The following CENPM variants were observed in gnomAD, a reference collection of about 807,000 sequenced individuals.
The protein encoded by CENPM is interphase centromere complex protein 39.
A neutral mutation model predicts 19.6 loss-of-function variants in CENPM; 14 were observed. That is an observed-to-expected ratio of 0.71 (90% CI 0.47 to 1.11). The LOEUF (loss-of-function observed/expected upper bound fraction) is 1.11. Ranked by LOEUF, CENPM falls within the 50% of genes most tolerant of loss-of-function variation. The pLI is 0.00. For missense variants in CENPM, 239 were observed against 228.4 expected, an observed-to-expected ratio of 1.05 and a Z score of -0.30; for synonymous variants, 114 against 101.5, an observed-to-expected ratio of 1.12 and a Z score of -0.74.
downstream of CENPM, among the ~76,000 whole-genome samples, chr22:41,934,952 T>G (rs2077677757): frequency 1.3e-5 from 2 of 152,218 alleles, no homozygotes; most frequent in African/African-American, 4.8e-5. Flanking sequence ...CCAGATGGCG[T>G]GAAGCAACCC....
chr22:41,932,534 C>A, the CENPM span, among the ~76,000 whole-genome samples: 1 of 152,246 alleles, frequency 6.6e-6, no homozygotes, highest in Non-Finnish European at 1.5e-5. The surrounding 1 kb of genome is among the most constrained non-coding windows in gnomAD (Gnocchi z 4.3). Flanking sequence ...GTCATCCAGC[C>A]CGCCACTCCA....
the CENPM span, among the ~76,000 whole-genome samples, chr22:41,927,848 G>T: frequency 1.3e-5 from 2 of 152,206 alleles, no homozygotes; most frequent in South Asian, 2.1e-4. Context: ...GGTCTGCCCT[G>T]AGGGAATCTC....
chr22:41,935,133 C>T (rs969883911), downstream of CENPM, among the ~76,000 whole-genome samples: 6 of 152,242 alleles, frequency 3.9e-5, no homozygotes, highest in Non-Finnish European at 8.8e-5. Flanking sequence ...TGGGAGCTGG[C>T]GGCAGTGACA....
chr22:41,946,271 G>A, intron 2 of CENPM, 146 bp downstream of exon 2: 2 of 715,638 alleles, frequency 2.8e-6, no homozygotes, highest in African/African-American at 1.8e-5. Context: ...GATATAAGAC[G>A]GCATGGGACT....
At chr22:41,936,270 C>T (rs2077683319), downstream of CENPM, among the ~76,000 whole-genome samples, 1 of 152,198 alleles carries the variant, frequency 6.6e-6, no homozygotes, top group Admixed American at 6.5e-5. Context: ...CTGTGACACA[C>T]CTCCCATGAC....
chr22:41,928,079 G>C, the CENPM span: 7 of 307,000 alleles, frequency 2.3e-5, no homozygotes, highest in Non-Finnish European at 4.0e-5. This position sits in a 1 kb window ranked among gnomAD's most constrained non-coding sequence, Gnocchi z 4.0. Flanking sequence ...GCTGGACTGG[G>C]GCCTTATCTA....
chr22:41,946,590 C>A, intron 1 of CENPM, 94 bp from the exon 2 acceptor site: 1 of 1,011,526 alleles, frequency 9.9e-7, no homozygotes, highest in Non-Finnish European at 1.5e-6. Flanking sequence ...GGGATCGGGA[C>A]ACCGCCAGCA....
chr22:41,936,381 C>A (rs563148351), downstream of CENPM, among the ~76,000 whole-genome samples: 1 of 152,212 alleles, frequency 6.6e-6, no homozygotes, highest in African/African-American at 2.4e-5. Context: ...CTGCAAATGT[C>A]GGGTGACATG....
the CENPM span, among the ~76,000 whole-genome samples, chr22:41,931,829 C>T: frequency 6.6e-6 from 1 of 152,168 alleles, no homozygotes; most frequent in South Asian, 2.1e-4. Flanking sequence ...ACAGAGAGGC[C>T]CAGTCCCCCA....
In CENPM at chr22:41,944,713, A is replaced by G. The variant is rs2077779160; in HGVS notation, c.310+512T>C. ...GACTTTTTCAGAGAACGATAAGCTG[A>G]CCCAGAGAAGGAGAGTCACCGGAGA... On this transcript the variant is annotated intron_variant, in intron 4 of 5. Transcript: ENST00000215980. 4.1e-6 allele frequency: 4 copies of G among 985,320 alleles called. No individual in the cohort carries two copies. In the South Asian group the frequency reaches 1.9e-4, roughly 46 times the overall value. The allele number at this position is 985,320 out of a possible 1,614,324, so 61.0% of individuals were successfully genotyped here. A position where few individuals can be genotyped will look rare whatever the true frequency, so the allele number is the denominator to read the frequency against.
At chr22:41,937,993 G>A (rs778499281), downstream of CENPM, among the ~76,000 whole-genome samples, 2 of 151,468 alleles carry the variant, frequency 1.3e-5, no homozygotes, top group Non-Finnish European at 2.9e-5. Context: ...ACAGATGCCC[G>A]CCACCATGCC....
At chr22:41,946,103 TC>T in intron 2 of CENPM, 98 bp from the exon 3 acceptor site, 2 of 1,073,842 alleles carry the variant, frequency 1.9e-6, no homozygotes, top group Non-Finnish European at 2.8e-6. Flanking sequence ...CGTCAAGGGC[TC>T]CCCACCTCAT....
chr22:41,934,576 C>G (rs1480806171), downstream of CENPM, among the ~76,000 whole-genome samples: 1 of 152,210 alleles, frequency 6.6e-6, no homozygotes, highest in Non-Finnish European at 1.5e-5. Context: ...CCTGAGGCAT[C>G]TGACATTTGT....
At chr22:41,939,545 T>C (rs2077706737) in intron 5 of CENPM, among the ~76,000 whole-genome samples, 1 of 151,854 alleles carries the variant, frequency 6.6e-6, no homozygotes, top group Non-Finnish European at 1.5e-5. Context: ...TTCCAACCAA[T>C]GCCCAGGCAG....
At chr22:41,946,291 C>A (rs990288635) in intron 2 of CENPM, 126 bp downstream of exon 2, 5 of 823,762 alleles carry the variant, frequency 6.1e-6, no homozygotes, top group African/African-American at 3.4e-5. Flanking sequence ...TAGCCAGCTA[C>A]GCTGCATGCT....
At chr22:41,936,104 A>T (rs140330039), downstream of CENPM, among the ~76,000 whole-genome samples, 11 of 152,232 alleles carry the variant, frequency 7.2e-5, no homozygotes, top group African/African-American at 2.4e-4. Context: ...TCCTGACCTC[A>T]AGTGATCTGC....
Position 41,940,097 on chromosome 22 carries a change from C to T in CENPM, c.403-901G>A, listed in dbSNP as rs948402136. 14 of 745,528 alleles carry T rather than the reference C, an allele frequency of 1.9e-5. 1 individual carries two copies. The highest frequency in any genetic ancestry group is 3.5e-5 in the Non-Finnish European group (14 of 401,042). The allele number at this position is 745,528 out of a possible 1,614,324, so 46.2% of individuals were successfully genotyped here. On this transcript the variant is annotated intron_variant, in intron 5 of 5. Transcript: ENST00000215980. ...CCTGATTTCTCCACCCCAACCCGCC[C>T]TTTGCTATTGTGCTGCAGCCACCCA...
At chr22:41,942,197 C>T (rs1300835465) in intron 5 of CENPM, among the ~76,000 whole-genome samples, 1 of 152,256 alleles carries the variant, frequency 6.6e-6, no homozygotes, top group Non-Finnish European at 1.5e-5. Context: ...ATGGAGCAGG[C>T]CTGGCACATG....
chr22:41,929,360 C>G, the CENPM span, among the ~76,000 whole-genome samples: 1 of 152,162 alleles, frequency 6.6e-6, no homozygotes, highest in Non-Finnish European at 1.5e-5. Context: ...TTGTGCCAGC[C>G]ATGTGGGCAG....
Sources: allele counts gnomAD v4.1 joint callset (sites outside exome capture counted in the v4.1 genomes callset), GRCh38; gene constraint gnomAD v4.1.1; non-coding constraint Gnocchi (gnomAD v3.1); transcripts MANE v1.5; gene names NCBI Gene and HGNC (gene_info 2026-07-23, HGNC 2026-07-21).